MRPL13: variants seen among roughly 807,000 people sequenced by gnomAD.
MRPL13 encodes the protein mitochondrial ribosomal protein L13.
In MRPL13, 33 loss-of-function variants were observed where a neutral mutation model predicts 29.0. That is an observed-to-expected ratio of 1.14 (90% CI 0.86 to 1.52). MRPL13 has a LOEUF of 1.52. Among genes scored for constraint, MRPL13 ranks in the 40% most tolerant of loss-of-function variants. The probability of loss-of-function intolerance (pLI) is 0.00; values close to 1 mark genes in which losing one functional copy is unlikely to be tolerated. For missense variants in MRPL13, 227 were observed against 216.7 expected (o/e 1.05, Z -0.30); for synonymous variants, 77 against 68.4 (o/e 1.13, Z -0.62).
intron 3 of MRPL13, among the ~76,000 whole-genome samples, chr8:120,426,213 G>T (rs1330570360): frequency 6.6e-6 from 1 of 151,990 alleles, no homozygotes; most frequent in Non-Finnish European, 1.5e-5. Context: ...AAGTCCAAAC[G>T]ATTTTCAAGA....
At chr8:120,398,019 G>C (rs934449865) in intron 6 of MRPL13, among the ~76,000 whole-genome samples, 3 of 152,198 alleles carry the variant, frequency 2.0e-5, no homozygotes, top group African/African-American at 7.2e-5. Context: ...CTGGCGGGAG[G>C]GGTGGCCAAC....
intron 3 of MRPL13, among the ~76,000 whole-genome samples, chr8:120,429,104 A>C (rs964177278): frequency 2.0e-5 from 3 of 152,228 alleles, no homozygotes. Context: ...CTACATGCCC[A>C]TCAAAGGTAG....
intron 2 of MRPL13, among the ~76,000 whole-genome samples, chr8:120,433,258 A>G (rs1813016714): frequency 1.3e-5 from 2 of 152,130 alleles, no homozygotes; most frequent in South Asian, 4.1e-4. Context: ...CGAATGCAGC[A>G]GAACAGCAAA....
intron 5 of MRPL13, chr8:120,415,274 G>A (rs1812790610): frequency 6.6e-6 from 1 of 152,164 alleles, no homozygotes; most frequent in African/African-American, 2.4e-5. Flanking sequence ...TATAAGGAGA[G>A]TAGATATAAT....
At position 120,396,049 on chromosome 8, in the gene MRPL13, T is replaced by A; in HGVS notation, c.*55A>T. On this transcript the variant is annotated 3_prime_UTR_variant, in exon 7 of 7. Coordinates refer to ENST00000306185, the MANE Select transcript of MRPL13 (RefSeq NM_014078.6). ...ACTCCATCCTGTAGGTTAGAGAAAC[T>A]CATCAGAAGAAAGTTTCAATCACTT... is the stretch of plus-strand genomic sequence containing the variant. 6.8e-7 allele frequency: 1 copy of A among 1,462,110 alleles called. No homozygotes were observed. Among genetic ancestry groups the A allele is most frequent in the Non-Finnish European group, 9.4e-7 (1 of 1,059,512 alleles). 90.6% of individuals were successfully genotyped at this position (1,462,110 alleles called of 1,614,324 possible).
intron 2 of MRPL13, among the ~76,000 whole-genome samples, chr8:120,435,679 T>G (rs1813046371): frequency 6.6e-6 from 1 of 152,160 alleles, no homozygotes; most frequent in Admixed American, 6.6e-5. Context: ...TCTGCATGCT[T>G]TAAGTTCTTT....
intron 2 of MRPL13, among the ~76,000 whole-genome samples, chr8:120,442,864 C>A (rs1453702278): frequency 6.6e-6 from 1 of 152,088 alleles, no homozygotes; most frequent in African/African-American, 2.4e-5. Flanking sequence ...GATGTCATCA[C>A]GTGAAAAGAC....
At chr8:120,396,726 TAAC>T (rs1367163353) in intron 6 of MRPL13, among the ~76,000 whole-genome samples, 3 of 152,196 alleles carry the variant, frequency 2.0e-5, no homozygotes, top group African/African-American at 4.8e-5. Context: ...TATTAAATTA[TAAC>T]AATAGACAAA....
At chr8:120,429,166 TA>T (rs201616924) in intron 3 of MRPL13, among the ~76,000 whole-genome samples, 3 of 151,788 alleles carry the variant, frequency 2.0e-5, no homozygotes, top group African/African-American at 7.2e-5. Context: ...TACATAGCCA[TA>T]AAAAAAAGAA....
Position 120,417,822 on chromosome 8 carries a change from G to A in MRPL13, c.393+2030C>T, listed in dbSNP as rs141572793. Among the ~76,000 whole-genome samples, 782 of 152,136 alleles carry A rather than the reference G, an allele frequency of 5.1e-3. 6 individuals are homozygous for A. The highest frequency in any genetic ancestry group is 0.017 in the African/African-American group (686 of 41,526). ...TTTAGTTCTCTCTCTGCTCCAGATCGTGAATCAATCAGTTCTCCAAGAACT... is the reference window on the plus strand; with the variant it reads ...TTTAGTTCTCTCTCTGCTCCAGATCATGAATCAATCAGTTCTCCAAGAACT... On this transcript the variant is annotated intron_variant, in intron 5 of 6. Coordinates refer to ENST00000306185, the MANE Select transcript of MRPL13 (RefSeq NM_014078.6).
intron 6 of MRPL13, among the ~76,000 whole-genome samples, chr8:120,397,670 G>A (rs372906081): frequency 1.3e-5 from 2 of 151,728 alleles, no homozygotes; most frequent in African/African-American, 2.4e-5. Context: ...CTCCCTGCAG[G>A]AATTTCAACA....
intron 6 of MRPL13, among the ~76,000 whole-genome samples, chr8:120,403,613 G>A (rs763418931): frequency 5.3e-5 from 8 of 152,070 alleles, no homozygotes; most frequent in East Asian, 1.9e-4. Flanking sequence ...CAACCTGCAC[G>A]TGTACCCTGG....
chr8:120,435,434 C>T (rs957739645), intron 2 of MRPL13, among the ~76,000 whole-genome samples: 4 of 152,062 alleles, frequency 2.6e-5, no homozygotes, highest in Admixed American at 2.6e-4. Context: ...TGTTTAACTC[C>T]CACTTATAAG....
At chr8:120,416,266 G>A (rs969529628) in intron 5 of MRPL13, among the ~76,000 whole-genome samples, 16 of 152,240 alleles carry the variant, frequency 1.1e-4, no homozygotes, top group African/African-American at 2.9e-4. Flanking sequence ...AGGCAGAGGC[G>A]GGTGGATCAC....
At chr8:120,419,735 T>G (rs1812845868) in intron 5 of MRPL13, 117 bp downstream of exon 5, 1 of 617,138 alleles carries the variant, frequency 1.6e-6, no homozygotes, top group Non-Finnish European at 2.6e-6. Flanking sequence ...TACAAAAATA[T>G]TTCAGAAGTT....
At chr8:120,434,752 A>G (rs915261435) in intron 2 of MRPL13, among the ~76,000 whole-genome samples, 1 of 152,078 alleles carries the variant, frequency 6.6e-6, no homozygotes, top group African/African-American at 2.4e-5. Flanking sequence ...AGAGTATAGG[A>G]TAACTTTTTG....
intron 1 of MRPL13, among the ~76,000 whole-genome samples, chr8:120,444,556 T>G (rs1049371920): frequency 3.3e-5 from 5 of 152,194 alleles, no homozygotes; most frequent in African/African-American, 9.7e-5. Flanking sequence ...TAGCGTGGCC[T>G]CTGCACCATC....
intron 4 of MRPL13, among the ~76,000 whole-genome samples, chr8:120,421,221 T>C (rs1812870600): frequency 1.3e-5 from 2 of 151,660 alleles, no homozygotes; most frequent in African/African-American, 4.8e-5. Flanking sequence ...AGAGGAACCA[T>C]GTTAGAAGAA....
intron 6 of MRPL13, among the ~76,000 whole-genome samples, chr8:120,403,599 T>A (rs375350656): frequency 6.6e-6 from 1 of 152,142 alleles, no homozygotes; most frequent in East Asian, 1.9e-4. Context: ...GTAACAAACC[T>A]GTACAACCTG....
Sources: gnomAD v4.1 joint callset for allele counts (sites outside exome capture counted in the v4.1 genomes callset) on GRCh38, gnomAD v4.1.1 for gene constraint, MANE v1.5 for transcripts, NCBI Gene and HGNC (gene_info 2026-07-23, HGNC 2026-07-21) for gene names.